The following LRRC4B variants were observed in gnomAD, a reference collection of about 807,000 sequenced individuals.
The protein encoded by LRRC4B is leucine-rich repeat-containing protein 4B.
Under a neutral mutation model 7.3 loss-of-function variants are expected in LRRC4B, and 1 was observed. The ratio of observed to expected loss-of-function variants is 0.14; its 90% CI spans 0.05 to 0.65. The LOEUF (loss-of-function observed/expected upper bound fraction) is 0.65. Among genes scored for constraint, LRRC4B ranks in the 30% least tolerant of loss-of-function variants. The probability of loss-of-function intolerance (pLI) is 0.84; values close to 1 mark genes in which losing one functional copy is unlikely to be tolerated. For missense variants in LRRC4B, 730 were observed against 1,041.6 expected (o/e 0.70, Z 4.12); for synonymous variants, 500 against 499.2 (o/e 1.00, Z -0.02).
At chr19:50,565,747 T>C (rs1982608851) in intron 1 of LRRC4B, among the ~76,000 whole-genome samples, 1 of 151,590 alleles carries the variant, frequency 6.6e-6, no homozygotes, top group Non-Finnish European at 1.5e-5. Flanking sequence ...CGCGGGTCTG[T>C]CCCACCCTCC....
chr19:50,552,404 G>C (rs1982104876), intron 1 of LRRC4B, among the ~76,000 whole-genome samples: 1 of 151,906 alleles, frequency 6.6e-6, no homozygotes, highest in South Asian at 2.1e-4. Context: ...CTGAGGGCCA[G>C]CCCCTCTCCA....
At chr19:50,527,178 A>C (rs1039499160) in intron 2 of LRRC4B, among the ~76,000 whole-genome samples, 1 of 151,106 alleles carries the variant, frequency 6.6e-6, no homozygotes, top group Non-Finnish European at 1.5e-5. Context: ...GACTACAGGC[A>C]CCCGCCACCA....
chr19:50,517,505 AGGCTGCGCCCG>A lies in LRRC4B; in HGVS notation c.*55_*65del. ...GCTGTGGGAGGGAGGGGTCCCGGTC[AGGCTGCGCCCG>A]GGCTGGGACCTGGGTGGGGGGCTCC... On this transcript the variant is annotated 3_prime_UTR_variant, in exon 3 of 3. Coordinates refer to ENST00000652263, the MANE Select transcript of LRRC4B (RefSeq NM_001080457.2). This position sits in a 1 kb window ranked among gnomAD's most constrained non-coding sequence, Gnocchi z 6.6. The A allele has an allele frequency of 7.6e-7, 1 of 1,311,986 alleles. No homozygotes were observed. Among genetic ancestry groups the A allele is most frequent in the Non-Finnish European group, 9.8e-7 (1 of 1,019,884 alleles). 81.3% of individuals were successfully genotyped at this position (1,311,986 alleles called of 1,614,324 possible). A position where few individuals can be genotyped will look rare whatever the true frequency, so the allele number is the denominator to read the frequency against.
intron 2 of LRRC4B, among the ~76,000 whole-genome samples, chr19:50,534,897 C>T (rs1162845221): frequency 6.6e-6 from 1 of 152,140 alleles, no homozygotes; most frequent in Non-Finnish European, 1.5e-5. Context: ...TTATTTGAGA[C>T]AGAGTCTTGC....
At position 50,532,073 on chromosome 19, in the gene LRRC4B, A is replaced by C. The variant is rs118182647; in HGVS notation, c.298-12658T>G. Among the ~76,000 whole-genome samples the C allele has an allele frequency of 5.0e-3, 762 of 151,980 alleles. 10 individuals carry two copies. Among genetic ancestry groups the C allele is most frequent in the East Asian group, 0.012 (61 of 5,156 alleles). ...CCTCGTCTCTACTAAAACAACAACAACACCCACCAAAATTTACCCTGGCGT... is the reference window on the plus strand; with the variant it reads ...CCTCGTCTCTACTAAAACAACAACACCACCCACCAAAATTTACCCTGGCGT... On this transcript the variant is annotated intron_variant, in intron 2 of 2. Coordinates refer to ENST00000652263, the MANE Select transcript of LRRC4B (RefSeq NM_001080457.2).
chr19:50,523,896 T>G (rs188977754), intron 2 of LRRC4B, among the ~76,000 whole-genome samples: 85 of 151,618 alleles, frequency 5.6e-4, no homozygotes, highest in African/African-American at 1.9e-3. Context: ...GAGGCGGAGG[T>G]TGCAGTGAGC....
At position 50,519,479 on chromosome 19, in the gene LRRC4B, A is replaced by G; in HGVS notation, c.298-64T>C. ...GACGGGGACCGTGGGGGGATCACCA[A>G]GGTCCCGGGCGCAGGTGGGGCCGTG... is the stretch of plus-strand genomic sequence containing the variant. On this transcript the variant is annotated intron_variant, in intron 2 of 2. Transcript: ENST00000652263. This position sits in a 1 kb window ranked among gnomAD's most constrained non-coding sequence, Gnocchi z 8.1. 1 of 1,471,450 alleles carries G rather than the reference A, an allele frequency of 6.8e-7. No homozygotes were observed. Among genetic ancestry groups the G allele is most frequent in the East Asian group, 2.5e-5 (1 of 40,514 alleles). 91.1% of individuals were successfully genotyped at this position (1,471,450 alleles called of 1,614,324 possible).
chr19:50,531,570 T>C (rs1171964608), intron 2 of LRRC4B, among the ~76,000 whole-genome samples: 1 of 152,270 alleles, frequency 6.6e-6, no homozygotes, highest in African/African-American at 2.4e-5. Flanking sequence ...AAGGGAAGCC[T>C]GGTTTTGTTG....
In LRRC4B at chr19:50,518,301, G is replaced by C; in HGVS notation, c.1412C>G (p.Pro471Arg). ...CCCTCCAACACCACCACTGCCCCCA[G>C]GGCCGCCCCCGCCGCTGCCGGTGCC... Reference protein sequence around the residue: ...AGGTGSGGGGPGGSGGVGGGS... With the variant: ...AGGTGSGGGGRGGSGGVGGGS... The change falls in exon 3 of 3, where the codon CCT becomes CGT. Residue 471 changes from proline to arginine, a missense_variant. Transcript: ENST00000652263. 2 of 1,602,206 alleles carry C rather than the reference G, an allele frequency of 1.2e-6. No individual in the cohort carries two copies. Among genetic ancestry groups the C allele is most frequent in the Non-Finnish European group, 1.7e-6 (2 of 1,174,912 alleles).
At chr19:50,525,075 G>A (rs376526873) in intron 2 of LRRC4B, among the ~76,000 whole-genome samples, 32 of 152,284 alleles carry the variant, frequency 2.1e-4, no homozygotes, top group African/African-American at 7.2e-4. Flanking sequence ...CCCACCCATC[G>A]CCGTTCCCCG....
At chr19:50,524,827 C>T (rs1163155826) in intron 2 of LRRC4B, among the ~76,000 whole-genome samples, 1 of 152,220 alleles carries the variant, frequency 6.6e-6, no homozygotes, top group Non-Finnish European at 1.5e-5. Context: ...CGAGCCCAGC[C>T]AGCAGCCCCG....
intron 2 of LRRC4B, among the ~76,000 whole-genome samples, chr19:50,533,643 G>A (rs1981146862): frequency 6.6e-6 from 1 of 152,190 alleles, no homozygotes; most frequent in Non-Finnish European, 1.5e-5. Context: ...AAAACAAAGA[G>A]ACATCCTGGT....
At chr19:50,520,847 T>A (rs1980545982) in intron 2 of LRRC4B, among the ~76,000 whole-genome samples, 1 of 152,062 alleles carries the variant, frequency 6.6e-6, no homozygotes, top group Non-Finnish European at 1.5e-5. Flanking sequence ...AAAAAAAAGT[T>A]AAAACTGGAG....
At chr19:50,523,957 T>TAA (rs574618168) in intron 2 of LRRC4B, among the ~76,000 whole-genome samples, 27 of 134,546 alleles carry the variant, frequency 2.0e-4, no homozygotes, top group Admixed American at 3.8e-4. Flanking sequence ...AGACTCTGTC[T>TAA]AAAAAAAAAA....
rs1982283874 is a variant in LRRC4B at position 50,556,591 on chromosome 19, C to T, written c.-35-7718G>A. ...CAGCTCGTGTCACGGCCACCCAGCA[C>T]CTGATGCTCGGTGATTTGTTCCTGC... On this transcript the variant is annotated intron_variant, in intron 1 of 2. Transcript: ENST00000652263. This position sits in a 1 kb window ranked among gnomAD's most constrained non-coding sequence, Gnocchi z 4.2. 1.3e-5 allele frequency among the ~76,000 whole-genome samples: 2 copies of T among 152,194 alleles called. No individual in the cohort carries two copies. The highest frequency in any genetic ancestry group is 2.4e-5 in the African/African-American group (1 of 41,446).
intron 1 of LRRC4B, among the ~76,000 whole-genome samples, chr19:50,560,988 G>A (rs1289916143): frequency 1.3e-5 from 2 of 152,180 alleles, no homozygotes; most frequent in African/African-American, 2.4e-5. Context: ...CTACTCAAGA[G>A]GTTGAGACAG....
Position 50,518,455 on chromosome 19 carries a change from T to C in LRRC4B, c.1258A>G (p.Thr420Ala). 1 of 1,551,396 alleles carries C rather than the reference T, an allele frequency of 6.4e-7. No homozygotes were observed. Among genetic ancestry groups the C allele is most frequent in the Non-Finnish European group, 8.7e-7 (1 of 1,149,130 alleles). The stretch of plus-strand genomic sequence containing the variant: ...ACGGTGACGTTGGTGAAGTTAAGCG[T>C]GCCGTCATGCAGGACGGAGATGCGC... ...RVRISVLHDGTLNFTNVTVQD... is the reference protein window; with the variant it reads ...RVRISVLHDGALNFTNVTVQD... The change falls in exon 3 of 3, where the codon ACG becomes GCG. Residue 420 changes from threonine to alanine, a missense_variant. Transcript: ENST00000652263.
intron 2 of LRRC4B, among the ~76,000 whole-genome samples, chr19:50,522,459 A>ATTAATTATTTAT (rs1980621675): frequency 2.0e-5 from 3 of 147,094 alleles, no homozygotes; most frequent in African/African-American, 7.5e-5. Flanking sequence ...TATTTTATTT[A>ATTAATTATTTAT]TTATTTATTT....
Position 50,517,484 on chromosome 19 carries a change from TGGGA to T in LRRC4B, c.*83_*86del. 8.3e-7 allele frequency: 1 copy of T among 1,199,288 alleles called. No homozygotes were observed. The highest frequency in any genetic ancestry group is 1.1e-6 in the Non-Finnish European group (1 of 930,626). 74.3% of individuals were successfully genotyped at this position (1,199,288 alleles called of 1,614,324 possible). On this transcript the variant is annotated 3_prime_UTR_variant, in exon 3 of 3. Coordinates refer to ENST00000652263, the MANE Select transcript of LRRC4B (RefSeq NM_001080457.2). The surrounding 1 kb of genome is among the most constrained non-coding windows in gnomAD (Gnocchi z 6.6). ...TGGTCCCAGAAGGTGGGCTGGGCTG[TGGGA>T]GGGAGGGGTCCCGGTCAGGCTGCGC...
Sources: allele counts gnomAD v4.1 joint callset (sites outside exome capture counted in the v4.1 genomes callset), GRCh38; gene constraint gnomAD v4.1.1; non-coding constraint Gnocchi (gnomAD v3.1); transcripts MANE v1.5; gene names NCBI Gene and HGNC (gene_info 2026-07-23, HGNC 2026-07-21).